Variants in TRIM14 observed in about 807,000 individuals in gnomAD.
TRIM14 encodes tripartite motif containing 14.
TRIM14 carries 28 observed loss-of-function variants against 44.5 expected under a neutral mutation model. The observed-to-expected ratio is 0.63, with a 90% confidence interval of 0.47 to 0.86. TRIM14 has a LOEUF of 0.86. TRIM14 is among the 40% of genes least tolerant of loss of function. TRIM14 has a pLI of 0.00. For synonymous variants in TRIM14, 299 were observed against 269.2 expected, an observed-to-expected ratio of 1.11 and a Z score of -1.08; for missense variants, 607 against 611.1, an observed-to-expected ratio of 0.99 and a Z score of 0.07.
downstream of TRIM14, among the ~76,000 whole-genome samples, chr9:98,083,800 G>A (rs1829995899): frequency 6.6e-6 from 1 of 152,218 alleles, no homozygotes; most frequent in East Asian, 1.9e-4. Flanking sequence ...GTGCTTGTGT[G>A]AGCCTGTAAT....
At chr9:98,113,696 T>G (rs1163081032) in intron 1 of TRIM14, among the ~76,000 whole-genome samples, 1 of 152,158 alleles carries the variant, frequency 6.6e-6, no homozygotes, top group African/African-American at 2.4e-5. Context: ...AAAAATGTAA[T>G]GTAGAATTAA....
In TRIM14 at chr9:98,119,076, C is replaced by CGGCGACAGA. The variant is rs774868939; in HGVS notation, c.104_112dup (p.Arg37_Arg38insLeuCysArg). On this transcript the variant is annotated inframe_insertion, in exon 1 of 6. Transcript: ENST00000341469. ...AAGCGCGCACACGCAGCGGCGGCAG[C>CGGCGACAGA]GGCGACAGAAGAGCTCAGCCACGCG... 6.3e-7 allele frequency: 1 copy of CGGCGACAGA among 1,582,116 alleles called. No individual in the cohort carries two copies. Among genetic ancestry groups the CGGCGACAGA allele is most frequent in the Non-Finnish European group, 8.5e-7 (1 of 1,174,132 alleles).
At chr9:98,057,411 C>T in the TRIM14 span, among the ~76,000 whole-genome samples, 4 of 152,164 alleles carry the variant, frequency 2.6e-5, no homozygotes, top group Non-Finnish European at 4.4e-5. Flanking sequence ...CTCTCTCACC[C>T]GCCATTCCCT....
chr9:98,104,542 GGAGA>G lies in TRIM14; in HGVS notation c.304-4382_304-4379del, dbSNP rs145070452. Among the ~76,000 whole-genome samples the G allele has an allele frequency of 4.8e-3, 727 of 151,534 alleles. 8 individuals are homozygous for G. The highest frequency in any genetic ancestry group is 0.015 in the South Asian group (74 of 4,798). On this transcript the variant is annotated intron_variant, in intron 2 of 5. Transcript: ENST00000341469. Reference sequence around the variant, plus strand: ...AAGGGGTAGAGAGAGAGAGGGAAGGGGAGAGAGAGAGAGAGAAAGAGAGCAAGAG... The same window carrying G: ...AAGGGGTAGAGAGAGAGAGGGAAGGGGAGAGAGAGAGAAAGAGAGCAAGAG...
At chr9:98,109,604 A>C (rs1267326832) in intron 2 of TRIM14, among the ~76,000 whole-genome samples, 1 of 152,176 alleles carries the variant, frequency 6.6e-6, no homozygotes, top group Non-Finnish European at 1.5e-5. Flanking sequence ...TAATTCCTCC[A>C]AGAGACTGGC....
the TRIM14 span, among the ~76,000 whole-genome samples, chr9:98,053,897 G>A: frequency 6.6e-6 from 1 of 152,174 alleles, no homozygotes; most frequent in East Asian, 1.9e-4. Context: ...GATGCTGCCC[G>A]ATGGGCTGCA....
chr9:98,042,741 G>A, the TRIM14 span, among the ~76,000 whole-genome samples: 9 of 152,022 alleles, frequency 5.9e-5, no homozygotes, highest in South Asian at 2.1e-4. Flanking sequence ...ATGGTGGTGC[G>A]CACCTGTAGT....
At chr9:98,038,021 G>A in the TRIM14 span, among the ~76,000 whole-genome samples, 1 of 151,902 alleles carries the variant, frequency 6.6e-6, no homozygotes. Context: ...GTACATGCCA[G>A]TGCACCCGGC....
chr9:98,074,501 T>A (rs1829492713), intron 6 of TRIM14: 1 of 152,308 alleles, frequency 6.6e-6, no homozygotes, highest in Admixed American at 6.5e-5. Flanking sequence ...AAAGTTAGGA[T>A]CTTCCAGATT....
the TRIM14 span, among the ~76,000 whole-genome samples, chr9:98,044,194 C>T: frequency 6.6e-6 from 1 of 151,468 alleles, no homozygotes; most frequent in Non-Finnish European, 1.5e-5. Context: ...GCTGAAAGTG[C>T]GGAGTCATCA....
intron 4 of TRIM14, among the ~76,000 whole-genome samples, chr9:98,094,242 G>C (rs187202359): frequency 1.3e-5 from 2 of 152,352 alleles, no homozygotes; most frequent in East Asian, 3.9e-4. Context: ...ATGAATGAAT[G>C]CATAAATGAA....
chr9:98,071,263 A>G (rs1416336580), intron 6 of TRIM14, among the ~76,000 whole-genome samples: 1 of 152,162 alleles, frequency 6.6e-6, no homozygotes, highest in Non-Finnish European at 1.5e-5. Context: ...CATACCCCCG[A>G]CTGTATGATG....
At chr9:98,110,159 A>G (rs1826790567) in intron 1 of TRIM14, 175 bp from the exon 2 acceptor site, 2 of 596,522 alleles carry the variant, frequency 3.4e-6, no homozygotes, top group South Asian at 2.0e-5. Context: ...GGACTAGGAC[A>G]TCTCTGATCC....
In TRIM14 at chr9:98,084,561, C is replaced by G. The variant is rs1225130239; in HGVS notation, c.*2909G>C. 1 of 152,240 alleles carries G rather than the reference C, an allele frequency of 6.6e-6. No individual in the cohort carries two copies. Among genetic ancestry groups the G allele is most frequent in the African/African-American group, 2.4e-5 (1 of 41,460 alleles). 9.4% of individuals were successfully genotyped at this position (152,240 alleles called of 1,614,324 possible). On this transcript the variant is annotated 3_prime_UTR_variant, in exon 6 of 6. Coordinates refer to ENST00000341469, the MANE Select transcript of TRIM14 (RefSeq NM_014788.4). ...GCTGAGAATATTCTAGTAGCTCCTGCTGCTGCCACATGGCAGCTGGGAATA... is the reference window on the plus strand; with the variant it reads ...GCTGAGAATATTCTAGTAGCTCCTGGTGCTGCCACATGGCAGCTGGGAATA...
downstream of TRIM14, among the ~76,000 whole-genome samples, chr9:98,083,382 C>T (rs1829976795): frequency 6.6e-6 from 1 of 152,240 alleles, no homozygotes; most frequent in South Asian, 2.1e-4. Context: ...GGGGTGAGAG[C>T]TGGCTGCACA....
the TRIM14 span, among the ~76,000 whole-genome samples, chr9:98,046,345 A>G: frequency 6.6e-6 from 1 of 152,204 alleles, no homozygotes. Context: ...GAACATTCCA[A>G]ATGAATAAAA....
intron 2 of TRIM14, among the ~76,000 whole-genome samples, chr9:98,101,174 C>T (rs1364232478): frequency 1.3e-5 from 2 of 151,850 alleles, no homozygotes; most frequent in East Asian, 3.9e-4. Flanking sequence ...GGAGTTTCAC[C>T]ATGTTGGTCA....
downstream of TRIM14, among the ~76,000 whole-genome samples, chr9:98,065,661 A>T (rs1241558853): frequency 2.0e-5 from 3 of 147,628 alleles, no homozygotes; most frequent in Non-Finnish European, 4.5e-5. Flanking sequence ...TTCCCCCTGG[A>T]GACAGAATGA....
downstream of TRIM14, among the ~76,000 whole-genome samples, chr9:98,066,459 A>G (rs1829150418): frequency 6.6e-6 from 1 of 152,188 alleles, no homozygotes; most frequent in Non-Finnish European, 1.5e-5. Flanking sequence ...TTTAAAGAAC[A>G]GTTTTATTGA....
Sources: allele counts gnomAD v4.1 joint callset (sites outside exome capture counted in the v4.1 genomes callset), GRCh38; gene constraint gnomAD v4.1.1; transcripts MANE v1.5; gene names NCBI Gene and HGNC (gene_info 2026-07-23, HGNC 2026-07-21).